The following UTP20 variants were observed in gnomAD, a reference collection of about 807,000 sequenced individuals.
UTP20 encodes the protein UTP20 small subunit processome component.
In UTP20, 164 loss-of-function variants were observed where a neutral mutation model predicts 329.5. The observed-to-expected ratio is 0.50, with a 90% CI of 0.44 to 0.57. UTP20 has a LOEUF of 0.57. UTP20 is among the 20% of genes least tolerant of loss of function. UTP20 has a pLI of 0.00. For missense variants in UTP20, 3,055 were observed against 3,284.2 expected, an observed-to-expected ratio of 0.93 and a Z score of 1.71; for synonymous variants, 1,151 against 1,159.3, an observed-to-expected ratio of 0.99 and a Z score of 0.14.
chr12:101,290,236 A>C lies in UTP20; in HGVS notation c.697A>C (p.Lys233Gln). The C allele has an allele frequency of 6.2e-7, 1 of 1,609,844 alleles. No homozygotes were observed. Among genetic ancestry groups the C allele is most frequent in the Non-Finnish European group, 8.5e-7 (1 of 1,177,964 alleles). The stretch of plus-strand genomic sequence containing the variant: ...TGGACAGTTGCTCTTTGAAATGTGC[A>C]AAGGAGTTAGAAATATGTTTCACTC... ...GVGQLLFEMC[K>Q]GVRNMFHSCT... The change falls in exon 7 of 62, where the codon AAA becomes CAA. Residue 233 changes from lysine (K) to glutamine (Q), a missense_variant. Lys to Gln is a moderately conservative substitution (Grantham distance 53). Transcript: ENST00000261637.
At chr12:101,284,229 T>A (rs1362255803) in intron 2 of UTP20, among the ~76,000 whole-genome samples, 3 of 152,142 alleles carry the variant, frequency 2.0e-5, no homozygotes, top group Non-Finnish European at 4.4e-5. Context: ...TAGTTTTTTT[T>A]AACCCATCCC....
In UTP20 at chr12:101,371,094, G is replaced by A. The variant is rs1870271080; in HGVS notation, c.6724G>A (p.Asp2242Asn). The A allele has an allele frequency of 2.5e-6, 4 of 1,613,910 alleles. No individual in the cohort carries two copies. Among genetic ancestry groups the A allele is most frequent in the Admixed American group, 3.3e-5 (2 of 59,970 alleles). The change falls in exon 51 of 62, where the codon GAT (aspartate) becomes AAT (asparagine). Residue 2242 changes from aspartate (D) to asparagine (N), a missense_variant. Transcript: ENST00000261637. ...AAGAAAGCTGTTGGTCCCAGAAATC[G>A]ATGAGGTCATGCGGAAAGTATCCAA... The part of the protein sequence containing the change: ...LSRKLLVPEI[D>N]EVMRKVSKLA...
rs1323013392 is a variant in UTP20, at chr12:101,381,149, A to C, written c.7594A>C (p.Ile2532Leu). Reference protein sequence around the residue: ...ASDLDQKMKSISLASCHQLHS... With the variant: ...ASDLDQKMKSLSLASCHQLHS... ...CATTTTCTTTTCACAGATGAAAAGT[A>C]TCTCTCTCGCCTCTTGCCATCAATT... The change falls in exon 58 of 62, where the codon ATC becomes CTC. Residue 2532 changes from isoleucine to leucine, a missense_variant. Coordinates refer to ENST00000261637, the MANE Select transcript of UTP20 (RefSeq NM_014503.3). 1.2e-6 allele frequency: 2 copies of C among 1,613,738 alleles called. No individual in the cohort carries two copies. The highest frequency in any genetic ancestry group is 2.2e-5 in the East Asian group (1 of 44,892).
intron 21 of UTP20, among the ~76,000 whole-genome samples, chr12:101,314,157 A>G (rs76734917): frequency 0.014 from 2,124 of 152,254 alleles, 29 homozygotes; most frequent in East Asian, 0.08. Flanking sequence ...GGAAAGAGTG[A>G]TAAAAGAAGA....
At chr12:101,327,692 A>G (rs1314498520) in intron 26 of UTP20, among the ~76,000 whole-genome samples, 1 of 152,250 alleles carries the variant, frequency 6.6e-6, no homozygotes, top group African/African-American at 2.4e-5. Context: ...AGTTAAAAAT[A>G]GAAAAGTACA....
chr12:101,356,755 C>CT (rs1452016599), intron 42 of UTP20, 62 bp downstream of exon 42: 2 of 1,553,904 alleles, frequency 1.3e-6, no homozygotes, highest in Non-Finnish European at 1.7e-6. Flanking sequence ...TTCTTCCTTA[C>CT]TTTTGAGTCT....
chr12:101,345,633 T>C lies in UTP20; in HGVS notation c.4685T>C (p.Val1562Ala). ...FPNQLEFKDL[V>A]QLTHYHDPEM... ...AACCAACTGGAATTCAAAGACTTGGTACAACTTACTCATTACCATGACCCA... is the reference window on the plus strand; with the variant it reads ...AACCAACTGGAATTCAAAGACTTGGCACAACTTACTCATTACCATGACCCA... Residue 1562 changes from valine (V) to alanine (A), a missense_variant, in exon 37 of 62, where the codon GTA becomes GCA. Physicochemically the swap from Val to Ala is moderately conservative, Grantham distance 64. Transcript: ENST00000261637. The C allele has an allele frequency of 1.2e-6, 2 of 1,613,384 alleles. No individual in the cohort carries two copies. Among genetic ancestry groups the C allele is most frequent in the Non-Finnish European group, 1.7e-6 (2 of 1,179,604 alleles).
intron 43 of UTP20, 56 bp from the exon 44 acceptor site, chr12:101,361,906 G>C: frequency 6.5e-6 from 9 of 1,385,952 alleles, no homozygotes; most frequent in Non-Finnish European, 9.2e-6. Flanking sequence ...TAGATCTTAT[G>C]TTTTCCTAGT....
chr12:101,312,383 C>T, intron 21 of UTP20, 107 bp downstream of exon 21: 1 of 1,436,922 alleles, frequency 7.0e-7, no homozygotes, highest in Non-Finnish European at 9.3e-7. Context: ...TGCCTTCTTT[C>T]TTTCTGCTTC....
At chr12:101,370,283 A>T in intron 49 of UTP20, 149 bp from the exon 50 acceptor site, 1 of 967,030 alleles carries the variant, frequency 1.0e-6, no homozygotes, top group East Asian at 2.5e-5. Flanking sequence ...GGTTATGGCC[A>T]AAATTTTTTC....
At position 101,363,608 on chromosome 12, in the gene UTP20, T is replaced by A. The variant is rs1869996324; in HGVS notation, c.5823T>A (p.Ala1941=). Residue 1941 remains alanine, a synonymous_variant, in exon 45 of 62, where the codon GCT becomes GCA. Coordinates refer to ENST00000261637, the MANE Select transcript of UTP20 (RefSeq NM_014503.3). ...IFNHELFGAV[A]EEKEVKQILS... ...ACCATGAGTTGTTTGGTGCTGTTGC[T>A]GAAGAGAAGGAAGTAAAGCAGATCC... The A allele has an allele frequency of 6.2e-7, 1 of 1,613,812 alleles. No individual in the cohort carries two copies. The highest frequency in any genetic ancestry group is 8.5e-7 in the Non-Finnish European group (1 of 1,179,978).
At position 101,383,218 on chromosome 12, in the gene UTP20, G is replaced by A. The variant is rs1061436; in HGVS notation, c.7834G>A (p.Glu2612Lys). Residue 2612 changes from glutamate to lysine, a missense_variant, in exon 59 of 62, where the codon GAG becomes AAG. Physicochemically the swap from Glu to Lys is moderately conservative, Grantham distance 56. Transcript: ENST00000261637. ...AGAAGAGAAGGAAGAGGTGAAGGAA[G>A]AGCTCGGCAGGCCGGCCACGCTGCT... is the stretch of plus-strand genomic sequence containing the variant. ...DGEEKEEVKE[E>K]LGRPATLLWL... The A allele has an allele frequency of 1.9e-6, 3 of 1,613,976 alleles. No individual in the cohort carries two copies. The Admixed American group carries it at 5.0e-5, about 27-fold the overall frequency.
At chr12:101,308,958 C>A (rs1344547508) in intron 18 of UTP20, among the ~76,000 whole-genome samples, 1 of 152,024 alleles carries the variant, frequency 6.6e-6, no homozygotes, top group African/African-American at 2.4e-5. Flanking sequence ...TGGTCTTGAT[C>A]TCCTGACCTC....
intron 19 of UTP20, among the ~76,000 whole-genome samples, chr12:101,311,143 A>G (rs1207772487): frequency 6.6e-6 from 1 of 152,212 alleles, no homozygotes; most frequent in Admixed American, 6.5e-5. Context: ...TATATAATAC[A>G]TGTCATGTGT....
chr12:101,298,022 AT>A (rs1301819814), intron 12 of UTP20, among the ~76,000 whole-genome samples: 2 of 152,154 alleles, frequency 1.3e-5, no homozygotes, highest in African/African-American at 4.8e-5. Flanking sequence ...TTCTATGAAG[AT>A]TTTAAAATCA....
At chr12:101,301,072 C>T (rs1872508975) in intron 14 of UTP20, among the ~76,000 whole-genome samples, 1 of 151,910 alleles carries the variant, frequency 6.6e-6, no homozygotes, top group Non-Finnish European at 1.5e-5. Flanking sequence ...TTAAACAACC[C>T]CTTCAAAATG....
intron 29 of UTP20, among the ~76,000 whole-genome samples, chr12:101,335,227 A>G (rs181550524): frequency 5.0e-4 from 75 of 151,208 alleles, no homozygotes; most frequent in African/African-American, 1.8e-3. Context: ...GTAAAATAAC[A>G]TCTTGCAAAG....
intron 36 of UTP20, 68 bp from the exon 37 acceptor site, chr12:101,345,486 C>T (rs1869292119): frequency 1.8e-5 from 18 of 1,017,978 alleles, no homozygotes; most frequent in East Asian, 5.8e-5. Flanking sequence ...ATGTTTTTTT[C>T]TGTTTCCTCA....
chr12:101,371,261 C>G (rs1397537018), intron 51 of UTP20, 93 bp downstream of exon 51: 2 of 913,308 alleles, frequency 2.2e-6, no homozygotes, highest in African/African-American at 3.4e-5. Context: ...CTGAAGACCA[C>G]CTTGTGTCGT....
Sources: allele counts gnomAD v4.1 joint callset (sites outside exome capture counted in the v4.1 genomes callset), GRCh38; gene constraint gnomAD v4.1.1; transcripts MANE v1.5; gene names NCBI Gene and HGNC (gene_info 2026-07-23, HGNC 2026-07-21).